The following DCC variants were observed in gnomAD, a reference collection of about 807,000 sequenced individuals.
DCC encodes DCC netrin 1 receptor, also known as netrin receptor DCC.
DCC carries 58 observed loss-of-function variants against 172.5 expected under a neutral mutation model. That is an observed-to-expected ratio of 0.34 (90% confidence interval 0.27 to 0.42). The LOEUF (loss-of-function observed/expected upper bound fraction) is 0.42, where lower values mean the gene tolerates loss of function less well. DCC is among the 10% of genes least tolerant of loss of function. The pLI is 1.00. For missense variants in DCC, 1,740 were observed against 1,791.0 expected (o/e 0.97, Z 0.51); for synonymous variants, 709 against 644.5 (o/e 1.10, Z -1.52).
intron 7 of DCC, among the ~76,000 whole-genome samples, chr18:53,085,957 C>CTTTTCTTCT (rs753533488): frequency 1.5e-5 from 1 of 65,880 alleles, no homozygotes; most frequent in African/African-American, 1.4e-4. Flanking sequence ...GGAGTATTTT[C>CTTTTCTTCT]TCTTCTTCTT....
intron 2 of DCC, among the ~76,000 whole-genome samples, chr18:52,834,028 A>G (rs941020685): frequency 2.0e-5 from 3 of 152,108 alleles, no homozygotes; most frequent in South Asian, 4.1e-4. Context: ...GTGCTTGGGT[A>G]CATACACAGC....
At chr18:53,514,218 A>G (rs2046302999) in intron 27 of DCC, among the ~76,000 whole-genome samples, 2 of 152,156 alleles carry the variant, frequency 1.3e-5, no homozygotes, top group African/African-American at 4.8e-5. Context: ...ACATAACGAA[A>G]TGAAGGCAGA....
intron 1 of DCC, among the ~76,000 whole-genome samples, chr18:52,611,227 C>G (rs1388376266): frequency 6.6e-6 from 1 of 152,140 alleles, no homozygotes; most frequent in East Asian, 1.9e-4. Flanking sequence ...GTGCCTATAC[C>G]CCGCACCTGG....
chr18:52,878,612 A>T (rs1340375321), intron 2 of DCC, among the ~76,000 whole-genome samples: 1 of 152,034 alleles, frequency 6.6e-6, no homozygotes, highest in East Asian at 1.9e-4. Flanking sequence ...CACCTTTCCT[A>T]ATTTATTTTT....
At chr18:53,488,941 G>A (rs368526173) in intron 26 of DCC, among the ~76,000 whole-genome samples, 7 of 152,068 alleles carry the variant, frequency 4.6e-5, no homozygotes, top group South Asian at 2.1e-4. Flanking sequence ...GGCAGATCAC[G>A]AGGTCAAGAC....
chr18:53,477,551 G>A (rs995414360), intron 25 of DCC, among the ~76,000 whole-genome samples: 4 of 152,168 alleles, frequency 2.6e-5, no homozygotes, highest in Admixed American at 1.3e-4. Context: ...TATAAAGATC[G>A]TTGCTATTTC....
intron 2 of DCC, among the ~76,000 whole-genome samples, chr18:52,781,379 C>G (rs1016889593): frequency 6.7e-6 from 1 of 150,228 alleles, no homozygotes; most frequent in African/African-American, 2.5e-5. Flanking sequence ...ATAGCATTCT[C>G]CGAGCTCCAA....
chr18:52,737,439 C>T (rs1212597213), intron 1 of DCC, among the ~76,000 whole-genome samples: 1 of 152,140 alleles, frequency 6.6e-6, no homozygotes, highest in Non-Finnish European at 1.5e-5. Flanking sequence ...AAGAAATCTT[C>T]ATCTTAAATA....
At chr18:52,977,995 A>T (rs1268975605) in intron 5 of DCC, among the ~76,000 whole-genome samples, 2 of 152,234 alleles carry the variant, frequency 1.3e-5, no homozygotes, top group South Asian at 4.2e-4. Flanking sequence ...CAAAGATCAA[A>T]TCAAATTAAA....
intron 15 of DCC, among the ~76,000 whole-genome samples, chr18:53,345,738 G>T (rs1355497074): frequency 6.6e-6 from 1 of 150,952 alleles, no homozygotes; most frequent in African/African-American, 2.4e-5. Context: ...ATTTTCACTG[G>T]ATATAGAATT....
intron 17 of DCC, among the ~76,000 whole-genome samples, chr18:53,394,247 C>A (rs1908769103): frequency 6.6e-6 from 1 of 152,130 alleles, no homozygotes; most frequent in Non-Finnish European, 1.5e-5. Flanking sequence ...ATGGAAATAT[C>A]CATACTTACT....
chr18:53,203,878 C>T (rs2055582782), intron 9 of DCC, among the ~76,000 whole-genome samples: 1 of 152,062 alleles, frequency 6.6e-6, no homozygotes, highest in African/African-American at 2.4e-5. Flanking sequence ...TTGCATTTAC[C>T]ATTTACAAGC....
chr18:53,069,667 C>A (rs906849012), intron 7 of DCC, among the ~76,000 whole-genome samples: 5 of 150,924 alleles, frequency 3.3e-5, no homozygotes, highest in Admixed American at 2.6e-4. Context: ...TGAGTGTGGA[C>A]TTTTGAAAGG....
intron 12 of DCC, among the ~76,000 whole-genome samples, chr18:53,285,867 T>C (rs1295249083): frequency 6.6e-6 from 1 of 152,120 alleles, no homozygotes; most frequent in Admixed American, 6.5e-5. Flanking sequence ...AGACATGGAG[T>C]CAAAGGAGAT....
At chr18:52,362,354 A>C (rs1040308895) in intron 1 of DCC, among the ~76,000 whole-genome samples, 2 of 152,226 alleles carry the variant, frequency 1.3e-5, no homozygotes, top group African/African-American at 4.8e-5. Flanking sequence ...TAAACAGTCA[A>C]CTTCTTTCTT....
At chr18:53,170,995 G>A (rs1429112770) in intron 8 of DCC, among the ~76,000 whole-genome samples, 2 of 151,978 alleles carry the variant, frequency 1.3e-5, no homozygotes, top group Non-Finnish European at 2.9e-5. Flanking sequence ...AGTGATTCTC[G>A]TGCCTCAGCC....
chr18:52,641,895 T>C (rs1207101411), intron 1 of DCC, among the ~76,000 whole-genome samples: 2 of 151,752 alleles, frequency 1.3e-5, no homozygotes, highest in African/African-American at 2.4e-5. Flanking sequence ...AAGTCATGAT[T>C]CGAAAAAGAT....
chr18:53,282,900 A>G (rs2056890204), intron 12 of DCC, among the ~76,000 whole-genome samples: 2 of 152,168 alleles, frequency 1.3e-5, no homozygotes, highest in African/African-American at 4.8e-5. Context: ...AATCCTAGAA[A>G]AAAGAAAATC....
intron 1 of DCC, among the ~76,000 whole-genome samples, chr18:52,576,014 G>A (rs2033401475): frequency 6.6e-6 from 1 of 152,202 alleles, no homozygotes; most frequent in East Asian, 1.9e-4. Context: ...TCATCCTGAA[G>A]AGGAGATTGT....
Sources: gnomAD v4.1 joint callset for allele counts (sites outside exome capture counted in the v4.1 genomes callset) on GRCh38, gnomAD v4.1.1 for gene constraint, MANE v1.5 for transcripts, NCBI Gene and HGNC (gene_info 2026-07-23, HGNC 2026-07-21) for gene names.